C9orf72: variants seen among roughly 807,000 people sequenced by gnomAD.
C9orf72 encodes guanine nucleotide exchange factor C9orf72.
In C9orf72, 44 loss-of-function variants were observed where a neutral mutation model predicts 51.6. The ratio of observed to expected loss-of-function variants is 0.85; its 90% CI spans 0.67 to 1.10. The LOEUF is 1.10. Ranked by LOEUF, C9orf72 falls within the 50% of genes least tolerant of loss-of-function variation. C9orf72 has a pLI of 0.00. For synonymous variants in C9orf72, 213 were observed against 194.2 expected, an observed-to-expected ratio of 1.10 and a Z score of -0.81; for missense variants, 607 against 570.6, an observed-to-expected ratio of 1.06 and a Z score of -0.65.
Position 27,548,170 on chromosome 9 carries a change from C to G in C9orf72, c.*66G>C. ...GAGTATGATCCAGGGGAACGTTTCC[C>G]CACACCACTGAGCTACTTTACCAGC... On this transcript the variant is annotated 3_prime_UTR_variant, in exon 11 of 11. Coordinates refer to ENST00000380003, the MANE Select transcript of C9orf72 (RefSeq NM_018325.5). The G allele has an allele frequency of 7.8e-7, 1 of 1,275,478 alleles. No homozygotes were observed. The highest frequency in any genetic ancestry group is 1.5e-5 in the South Asian group (1 of 67,200). 79.0% of individuals were successfully genotyped at this position (1,275,478 alleles called of 1,614,324 possible). A position where few individuals can be genotyped will look rare whatever the true frequency, so the allele number is the denominator to read the frequency against.
At chr9:27,550,736 A>C in intron 8 of C9orf72, 29 bp from the exon 9 acceptor site, 1 of 1,405,018 alleles carries the variant, frequency 7.1e-7, no homozygotes, top group Non-Finnish European at 9.9e-7. Context: ...TGAAGAAAAG[A>C]AAAAAGTTCA....
intron 5 of C9orf72, 43 bp downstream of exon 5, chr9:27,561,542 G>A: frequency 6.2e-7 from 1 of 1,605,826 alleles, no homozygotes; most frequent in Non-Finnish European, 8.5e-7. Context: ...AGCATAAGAT[G>A]GTATCTGCTT....
intron 3 of C9orf72, among the ~76,000 whole-genome samples, chr9:27,563,370 C>T (rs1374573092): frequency 6.6e-6 from 1 of 152,044 alleles, no homozygotes; most frequent in Non-Finnish European, 1.5e-5. Flanking sequence ...ATGGATGGTC[C>T]CTCATTTATT....
intron 5 of C9orf72, 49 bp downstream of exon 5, chr9:27,561,536 T>C: frequency 6.2e-7 from 1 of 1,605,112 alleles, no homozygotes; most frequent in South Asian, 1.1e-5. Flanking sequence ...TAGGTGAGCA[T>C]AAGATGGTAT....
intron 9 of C9orf72, 85 bp from the exon 10 acceptor site, chr9:27,548,751 G>A (rs552524653): frequency 1.6e-5 from 12 of 752,316 alleles, no homozygotes; most frequent in Non-Finnish European, 2.8e-5. Flanking sequence ...GACAGTGCTT[G>A]GCAGACAATA....
intron 3 of C9orf72, among the ~76,000 whole-genome samples, chr9:27,562,927 T>C (rs975502063): frequency 2.6e-5 from 4 of 152,178 alleles, no homozygotes; most frequent in African/African-American, 7.2e-5. Flanking sequence ...AGCTCACTTT[T>C]ATTCTTTAGA....
chr9:27,557,839 G>A lies in C9orf72; in HGVS notation c.855+652C>T, dbSNP rs551470234. Reference sequence around the variant, plus strand: ...AATTTTTTTATTTCATTTTGCCGTGGCTACATCCTCAAGAAAGTAGTCACT... The same window carrying A: ...AATTTTTTTATTTCATTTTGCCGTGACTACATCCTCAAGAAAGTAGTCACT... On this transcript the variant is annotated intron_variant, in intron 7 of 10. Coordinates refer to ENST00000380003, the MANE Select transcript of C9orf72 (RefSeq NM_018325.5). Among the ~76,000 whole-genome samples, 339 of 151,780 alleles carry A rather than the reference G, an allele frequency of 2.2e-3. 2 individuals are homozygous for A. The highest frequency in any genetic ancestry group is 7.9e-3 in the African/African-American group (329 of 41,448).
chr9:27,569,776 T>A, intron 1 of C9orf72, among the ~76,000 whole-genome samples: 1 of 152,254 alleles, frequency 6.6e-6, no homozygotes. Context: ...CTATTTATAA[T>A]AATAGCAATA....
intron 8 of C9orf72, among the ~76,000 whole-genome samples, chr9:27,554,820 C>T (rs1023854169): frequency 6.6e-6 from 1 of 151,954 alleles, no homozygotes; most frequent in African/African-American, 2.4e-5. Flanking sequence ...ATTTTTTGGA[C>T]AATTTTATGT....
intron 3 of C9orf72, among the ~76,000 whole-genome samples, chr9:27,563,708 T>C (rs968811416): frequency 6.6e-6 from 1 of 152,122 alleles, no homozygotes; most frequent in Non-Finnish European, 1.5e-5. Context: ...AGTTTTATCC[T>C]AAGCCATATG....
chr9:27,572,587 C>A (rs1819610994), intron 1 of C9orf72, among the ~76,000 whole-genome samples: 1 of 152,110 alleles, frequency 6.6e-6, no homozygotes, highest in Non-Finnish European at 1.5e-5. Flanking sequence ...CACAACCAGG[C>A]AACTACTCTC....
chr9:27,555,236 C>T (rs1820985582), intron 8 of C9orf72, among the ~76,000 whole-genome samples: 1 of 152,142 alleles, frequency 6.6e-6, no homozygotes, highest in South Asian at 2.1e-4. Flanking sequence ...CTAAAACATT[C>T]CCCTACTACT....
At chr9:27,568,675 T>C (rs568588879) in intron 1 of C9orf72, among the ~76,000 whole-genome samples, 7 of 152,226 alleles carry the variant, frequency 4.6e-5, no homozygotes, top group Non-Finnish European at 1.0e-4. Flanking sequence ...TTAGTGACAC[T>C]GTAACCATCA....
At chr9:27,571,032 A>G (rs1467624947) in intron 1 of C9orf72, 1 of 152,248 alleles carries the variant, frequency 6.6e-6, no homozygotes, top group Non-Finnish European at 1.5e-5. Flanking sequence ...TATTTTACTA[A>G]TACTTGAAGT....
chr9:27,548,434 G>GAAAAAAAAAA lies in C9orf72; in HGVS notation c.1260-13_1260-12insTTTTTTTTTT. The GAAAAAAAAAA allele has an allele frequency of 2.5e-5, 2 of 80,732 alleles. No individual in the cohort carries two copies. The highest frequency in any genetic ancestry group is 2.7e-4 in the South Asian group (1 of 3,668). The allele number at this position is 80,732 out of a possible 1,614,324, so 5.0% of individuals were successfully genotyped here. On this transcript the variant is annotated splice_polypyrimidine_tract_variant and intron_variant, in intron 10 of 10. Transcript: ENST00000380003. ...TTTTTCCCTTCTGCCTAAAAATAAT[G>GAAAAAAAAAA]GAAAAAAAAAAAAAAAAAAAAAAAA...
At chr9:27,560,127 C>G in intron 6 of C9orf72, 100 bp downstream of exon 6, 1 of 725,526 alleles carries the variant, frequency 1.4e-6, no homozygotes. Context: ...CCTTATACTA[C>G]TAGATCATTT....
At position 27,556,624 on chromosome 9, in the gene C9orf72, G is replaced by C; in HGVS notation, c.1028C>G (p.Thr343Ser). The change falls in exon 8 of 11, where the codon ACT becomes AGT. Residue 343 changes from threonine (T) to serine (S), a missense_variant. Thr to Ser is a moderately conservative substitution (Grantham distance 58). Transcript: ENST00000380003. Reference sequence around the variant, plus strand: ...ATCCTGAGCCATGTCTTCTTCTGAAGTGGCTCTCCAGAAGGCTGTCAGCTC... The same window carrying C: ...ATCCTGAGCCATGTCTTCTTCTGAACTGGCTCTCCAGAAGGCTGTCAGCTC... ...RSELTAFWRA[T>S]SEEDMAQDTI... 1 of 1,614,018 alleles carries C rather than the reference G, an allele frequency of 6.2e-7. No homozygotes were observed.
rs1676257784 is a variant in C9orf72 at position 27,548,368 on chromosome 9, A to C, written c.1314T>G (p.Asp438Glu). Residue 438 changes from aspartate (D) to glutamate (E), a missense_variant, in exon 11 of 11, where the codon GAT becomes GAG. By Grantham distance (45) the Asp-to-Glu change is conservative. Transcript: ENST00000380003. The part of the protein sequence containing the change: ...KSLRNLKIDL[D>E]LTAEGDLNII... ...TGTTAAGATCGCCCTCTGCTGTTAA[A>C]TCAAGGTCTATCTTCAGGTTCCGAA... 1 of 1,589,256 alleles carries C rather than the reference A, an allele frequency of 6.3e-7. No individual in the cohort carries two copies. Among genetic ancestry groups the C allele is most frequent in the African/African-American group, 1.4e-5 (1 of 73,322 alleles).
intron 3 of C9orf72, 64 bp downstream of exon 3, chr9:27,565,467 C>T (rs371917325): frequency 2.8e-4 from 293 of 1,042,490 alleles, no homozygotes; most frequent in Middle Eastern, 4.1e-4. Context: ...ACAAATGTAG[C>T]CATCAACCTT....
Sources: allele counts gnomAD v4.1 joint callset (sites outside exome capture counted in the v4.1 genomes callset), GRCh38; gene constraint gnomAD v4.1.1; transcripts MANE v1.5; gene names NCBI Gene and HGNC (gene_info 2026-07-23, HGNC 2026-07-21).